DNM3: variants seen among roughly 807,000 people sequenced by gnomAD.
The protein encoded by DNM3 is dynamin 3.
A neutral mutation model predicts 101.6 loss-of-function variants in DNM3; 47 were observed. That is an observed-to-expected ratio of 0.46 (90% CI 0.37 to 0.59). DNM3 has a LOEUF of 0.59. DNM3 is among the 20% of genes least tolerant of loss of function. DNM3 has a pLI of 0.00. For missense variants in DNM3, 849 were observed against 1,085.7 expected, an observed-to-expected ratio of 0.78 and a Z score of 3.06; for synonymous variants, 385 against 387.9, an observed-to-expected ratio of 0.99 and a Z score of 0.09.
intron 16 of DNM3, among the ~76,000 whole-genome samples, chr1:172,319,104 C>A (rs532138046): frequency 2.4e-3 from 372 of 152,296 alleles, no homozygotes; most frequent in Non-Finnish European, 4.0e-3. Context: ...ACTATCTGAT[C>A]TTTGACAAAC....
intron 10 of DNM3, among the ~76,000 whole-genome samples, chr1:172,056,479 T>C (rs1356244923): frequency 1.1e-4 from 16 of 152,128 alleles, no homozygotes; most frequent in Non-Finnish European, 1.5e-4. Context: ...GTTCTTCCAG[T>C]ACGCAGCTGG....
chr1:172,262,916 C>A (rs930957014), intron 15 of DNM3, among the ~76,000 whole-genome samples: 31 of 152,062 alleles, frequency 2.0e-4, no homozygotes, highest in African/African-American at 6.5e-4. Flanking sequence ...AAATCAAAAC[C>A]TTTTGGTTAC....
chr1:171,944,108 A>G (rs532835124), intron 2 of DNM3, among the ~76,000 whole-genome samples: 1 of 152,204 alleles, frequency 6.6e-6, no homozygotes, highest in Non-Finnish European at 1.5e-5. Flanking sequence ...CTGTGAAAGC[A>G]GCCACAGACA....
intron 15 of DNM3, 140 bp from the exon 16 acceptor site, chr1:172,308,588 G>A (rs2064946953): frequency 4.5e-6 from 2 of 449,044 alleles, no homozygotes; most frequent in Non-Finnish European, 7.8e-6. Context: ...TAAAGTATGA[G>A]TTGTTTTTGT....
intron 12 of DNM3, among the ~76,000 whole-genome samples, 179 bp from the exon 13 acceptor site, chr1:172,092,645 C>T (rs932788825): frequency 6.6e-6 from 1 of 151,978 alleles, no homozygotes; most frequent in African/African-American, 2.4e-5. Context: ...GAGTTATGTG[C>T]TATTAGGAGT....
chr1:172,047,754 CA>C (rs2049919234), intron 9 of DNM3, among the ~76,000 whole-genome samples: 1 of 151,938 alleles, frequency 6.6e-6, no homozygotes, highest in Non-Finnish European at 1.5e-5. Context: ...AAAGATTTTC[CA>C]AAAGAGGTAC....
chr1:172,310,495 C>T (rs1573408547), intron 16 of DNM3: 2 of 152,248 alleles, frequency 1.3e-5, no homozygotes, highest in South Asian at 2.1e-4. Flanking sequence ...GTTAAAGGGA[C>T]AGACAGTGAG....
intron 2 of DNM3, among the ~76,000 whole-genome samples, chr1:171,985,355 A>G (rs1004607988): frequency 6.6e-6 from 1 of 152,142 alleles, no homozygotes; most frequent in Admixed American, 6.5e-5. Flanking sequence ...ACTTATCTAT[A>G]TACTCTTACA....
At chr1:171,867,142 A>G (rs928188026) in intron 1 of DNM3, among the ~76,000 whole-genome samples, 1 of 152,254 alleles carries the variant, frequency 6.6e-6, no homozygotes, top group Admixed American at 6.5e-5. Context: ...GGAAGGGGGT[A>G]GGAGTGTGGC....
At chr1:172,389,828 G>A (rs140884474) in intron 20 of DNM3, among the ~76,000 whole-genome samples, 10 of 152,154 alleles carry the variant, frequency 6.6e-5, no homozygotes, top group Non-Finnish European at 8.8e-5. Context: ...GTTGTTAAGC[G>A]TAATGAAGAG....
chr1:172,361,810 A>G (rs1304802317), intron 17 of DNM3, among the ~76,000 whole-genome samples: 1 of 151,982 alleles, frequency 6.6e-6, no homozygotes, highest in Non-Finnish European at 1.5e-5. Flanking sequence ...AGCTTTCTAC[A>G]CAAGTCATCA....
chr1:172,085,777 T>C (rs1200482804), intron 12 of DNM3, among the ~76,000 whole-genome samples: 1 of 152,210 alleles, frequency 6.6e-6, no homozygotes, highest in Non-Finnish European at 1.5e-5. Context: ...ACCTTGCCAC[T>C]AAATTCCAGA....
chr1:171,907,448 G>A (rs963373966), intron 1 of DNM3, among the ~76,000 whole-genome samples: 4 of 151,506 alleles, frequency 2.6e-5, no homozygotes, highest in Admixed American at 6.6e-5. Flanking sequence ...CCAAGATTGC[G>A]CCATTGCACC....
intron 14 of DNM3, among the ~76,000 whole-genome samples, chr1:172,183,914 T>G (rs1236124693): frequency 2.2e-5 from 3 of 136,814 alleles, no homozygotes; most frequent in Non-Finnish European, 4.6e-5. Context: ...GGCTTCAAAG[T>G]TTTTTTTTTT....
intron 13 of DNM3, 32 bp downstream of exon 13, chr1:172,092,907 A>AC: frequency 1.3e-6 from 2 of 1,531,566 alleles, no homozygotes; most frequent in Non-Finnish European, 1.8e-6. Flanking sequence ...CAGTGTATGC[A>AC]TGTCCCAAAG....
At chr1:172,042,633 C>A (rs1402021191) in intron 8 of DNM3, among the ~76,000 whole-genome samples, 2 of 152,100 alleles carry the variant, frequency 1.3e-5, no homozygotes, top group Non-Finnish European at 2.9e-5. Context: ...CCCAGAATGG[C>A]ATGAAGAGGT....
intron 13 of DNM3, among the ~76,000 whole-genome samples, chr1:172,118,114 T>C (rs945815242): frequency 6.6e-6 from 1 of 152,150 alleles, no homozygotes. Flanking sequence ...CAATCAAAGG[T>C]GAGGAAGGAA....
chr1:172,070,427 T>C (rs992530468), intron 11 of DNM3, among the ~76,000 whole-genome samples: 3 of 152,248 alleles, frequency 2.0e-5, no homozygotes, highest in African/African-American at 7.2e-5. Context: ...TTTTCATCTA[T>C]AATATTCAAA....
At chr1:172,189,304 T>G (rs1206392718) in intron 14 of DNM3, among the ~76,000 whole-genome samples, 1 of 152,068 alleles carries the variant, frequency 6.6e-6, no homozygotes, top group Non-Finnish European at 1.5e-5. Flanking sequence ...AGTCTCTGAT[T>G]CTTCTTCTTG....
Sources: gnomAD v4.1 joint callset for allele counts (sites outside exome capture counted in the v4.1 genomes callset) on GRCh38, gnomAD v4.1.1 for gene constraint, MANE v1.5 for transcripts, NCBI Gene and HGNC (gene_info 2026-07-23, HGNC 2026-07-21) for gene names.